The following CNTNAP2 variants were observed in gnomAD, a reference collection of about 807,000 sequenced individuals.
The protein encoded by CNTNAP2 is contactin-associated protein-like 2.
Under a neutral mutation model 155.2 loss-of-function variants are expected in CNTNAP2, and 98 were observed. That is an observed-to-expected ratio of 0.63 (90% CI 0.54 to 0.75). The LOEUF (loss-of-function observed/expected upper bound fraction) is 0.75, where lower values mean the gene tolerates loss of function less well. CNTNAP2 is among the 30% of genes least tolerant of loss of function. The pLI is 0.00. For missense variants in CNTNAP2, 1,727 were observed against 1,688.1 expected, an observed-to-expected ratio of 1.02 and a Z score of -0.40; for synonymous variants, 651 against 631.2, an observed-to-expected ratio of 1.03 and a Z score of -0.47.
At chr7:148,232,076 G>A (rs11761788) in intron 20 of CNTNAP2, among the ~76,000 whole-genome samples, 10,206 of 152,136 alleles carry the variant, frequency 0.067, 602 homozygotes, top group East Asian at 0.25. Context: ...CCCAACCCAC[G>A]TGAGGGCAAC....
chr7:147,656,598 C>A (rs148211180), intron 13 of CNTNAP2, among the ~76,000 whole-genome samples: 3 of 152,150 alleles, frequency 2.0e-5, no homozygotes, highest in Admixed American at 6.5e-5. Context: ...AGTTTGTCAT[C>A]TTCTATGGGC....
At chr7:148,392,861 A>C (rs1392616010) in intron 22 of CNTNAP2, among the ~76,000 whole-genome samples, 1 of 152,154 alleles carries the variant, frequency 6.6e-6, no homozygotes, top group Non-Finnish European at 1.5e-5. Flanking sequence ...GGGATCACTC[A>C]GTGTAACAAC....
At chr7:146,411,781 CAT>C (rs1344435788) in intron 1 of CNTNAP2, among the ~76,000 whole-genome samples, 1 of 151,516 alleles carries the variant, frequency 6.6e-6, no homozygotes, top group African/African-American at 2.4e-5. Context: ...GTATTTGAAA[CAT>C]GATCAACATT....
chr7:146,436,787 C>G (rs375448164), intron 1 of CNTNAP2, among the ~76,000 whole-genome samples: 1 of 150,102 alleles, frequency 6.7e-6, no homozygotes. Context: ...TGTATAAACT[C>G]TATGGAACAT....
chr7:148,179,647 G>A (rs995412912), intron 18 of CNTNAP2, among the ~76,000 whole-genome samples: 2 of 149,784 alleles, frequency 1.3e-5, no homozygotes, highest in Non-Finnish European at 3.0e-5. Flanking sequence ...GAGAGAAAGA[G>A]TGAGAAAGAG....
chr7:148,182,761 G>A (rs2116706000), intron 18 of CNTNAP2, among the ~76,000 whole-genome samples: 1 of 152,272 alleles, frequency 6.6e-6, no homozygotes, highest in East Asian at 1.9e-4. Context: ...CTCTCTCTGA[G>A]CCATCCTTTT....
chr7:146,710,964 G>A (rs1801056575), intron 1 of CNTNAP2, among the ~76,000 whole-genome samples: 1 of 151,968 alleles, frequency 6.6e-6, no homozygotes, highest in African/African-American at 2.4e-5. Flanking sequence ...TGAGGCACCT[G>A]CCTGGTTCAC....
intron 1 of CNTNAP2, among the ~76,000 whole-genome samples, chr7:146,377,027 A>C (rs956385936): frequency 5.9e-5 from 9 of 152,148 alleles, no homozygotes; most frequent in African/African-American, 1.9e-4. Context: ...ATAAATTTCC[A>C]TTCTTATATA....
intron 4 of CNTNAP2, among the ~76,000 whole-genome samples, chr7:147,076,192 T>C (rs952933578): frequency 2.6e-5 from 4 of 152,174 alleles, no homozygotes; most frequent in African/African-American, 7.2e-5. Flanking sequence ...TTCTAGATCC[T>C]TGAGGAATCG....
chr7:147,649,999 C>T (rs1157611940), intron 13 of CNTNAP2, among the ~76,000 whole-genome samples: 1 of 151,844 alleles, frequency 6.6e-6, no homozygotes, highest in Admixed American at 6.6e-5. Flanking sequence ...TTTTTGCTTC[C>T]ATCTGTACAT....
intron 11 of CNTNAP2, among the ~76,000 whole-genome samples, chr7:147,551,911 CA>C (rs1445157545): frequency 6.6e-6 from 1 of 152,150 alleles, no homozygotes; most frequent in Non-Finnish European, 1.5e-5. Flanking sequence ...AAAGGCTTAG[CA>C]AAGACATTCA....
intron 1 of CNTNAP2, among the ~76,000 whole-genome samples, chr7:146,404,892 CA>C (rs1335781629): frequency 6.6e-6 from 1 of 152,140 alleles, no homozygotes; most frequent in Non-Finnish European, 1.5e-5. Flanking sequence ...CTCCGTTCCA[CA>C]TTAGTTCCGG....
intron 15 of CNTNAP2, among the ~76,000 whole-genome samples, chr7:147,991,055 G>A (rs116951404): frequency 0.011 from 1,615 of 152,146 alleles, 11 homozygotes; most frequent in Non-Finnish European, 0.016. Flanking sequence ...GGTCCCTGGC[G>A]CTCACTATGA....
At chr7:147,900,733 C>T (rs1799854191) in intron 13 of CNTNAP2, among the ~76,000 whole-genome samples, 1 of 152,146 alleles carries the variant, frequency 6.6e-6, no homozygotes, top group African/African-American at 2.4e-5. Context: ...TCTCCTGCCT[C>T]AGCCTCCCAA....
At chr7:146,556,590 A>G (rs1798201744) in intron 1 of CNTNAP2, among the ~76,000 whole-genome samples, 1 of 152,186 alleles carries the variant, frequency 6.6e-6, no homozygotes, top group African/African-American at 2.4e-5. Flanking sequence ...AGAAAGACAG[A>G]AATACTAGGA....
intron 12 of CNTNAP2, among the ~76,000 whole-genome samples, chr7:147,632,982 T>G (rs1795113277): frequency 6.6e-6 from 1 of 152,218 alleles, no homozygotes; most frequent in Admixed American, 6.5e-5. Context: ...TTGGAAAATT[T>G]GCAGCCTGAC....
At chr7:147,174,092 C>A (rs1290277489) in intron 8 of CNTNAP2, among the ~76,000 whole-genome samples, 3 of 152,086 alleles carry the variant, frequency 2.0e-5, no homozygotes, top group East Asian at 1.9e-4. Flanking sequence ...CACAAAAAAA[C>A]CAGCAAACCA....
intron 21 of CNTNAP2, among the ~76,000 whole-genome samples, chr7:148,283,189 C>T (rs1213228931): frequency 6.6e-5 from 9 of 137,280 alleles, no homozygotes; most frequent in Non-Finnish European, 1.1e-4. Flanking sequence ...AGTGAGCCAC[C>T]AAGATCATGC....
chr7:146,358,298 T>C (rs1795033503), intron 1 of CNTNAP2, among the ~76,000 whole-genome samples: 1 of 152,110 alleles, frequency 6.6e-6, no homozygotes, highest in Non-Finnish European at 1.5e-5. Flanking sequence ...CCTCCCAAAG[T>C]GCTGGGATTA....
Sources: gnomAD v4.1 joint callset for allele counts (sites outside exome capture counted in the v4.1 genomes callset) on GRCh38, gnomAD v4.1.1 for gene constraint, MANE v1.5 for transcripts, NCBI Gene and HGNC (gene_info 2026-07-23, HGNC 2026-07-21) for gene names.